Variants in PSG11 observed in about 807,000 individuals in gnomAD.
The protein encoded by PSG11 is pregnancy specific beta-1-glycoprotein 11, also known as pregnancy-specific beta-1-glycoprotein 11.
PSG11 carries 42 observed loss-of-function variants against 36.0 expected under a neutral mutation model. The ratio of observed to expected loss-of-function variants is 1.17; its 90% CI spans 0.91 to 1.51. PSG11 has a LOEUF of 1.51. Among genes scored for constraint, PSG11 ranks in the 40% most tolerant of loss-of-function variants. The pLI, the probability that PSG11 is intolerant of heterozygous loss-of-function variation, is 0.00. For synonymous variants in PSG11, 206 were observed against 153.5 expected (o/e 1.34, Z -2.53); for missense variants, 558 against 403.5 (o/e 1.38, Z -3.28).
At chr19:43,013,981 C>A (rs1214769595) in intron 4 of PSG11, 1 of 151,120 alleles carries the variant, frequency 6.6e-6, no homozygotes, top group African/African-American at 2.4e-5. Flanking sequence ...AATGGATGAA[C>A]CTTGAAGATA....
chr19:43,024,463 C>G, intron 2 of PSG11: 3 of 614,714 alleles, frequency 4.9e-6, no homozygotes, highest in Non-Finnish European at 5.7e-6. Flanking sequence ...CCCCATCAGA[C>G]TGTCCTTCCT....
At position 43,010,039 on chromosome 19, in the gene PSG11, G is replaced by A. The variant is rs201797073; in HGVS notation, c.967C>T (p.Pro323Ser). ...STSLTIRVIA[P>S]PGLGTFAFNN... is the part of the protein sequence containing the mutation. ...AAAGCAAAAGTTCCTAATCCTGGAG[G>A]AGCTGTCATGGAAAGAAAAGAAAAG... The change falls in exon 5 of 6, where the codon CCT becomes TCT. Residue 323 changes from proline (P) to serine (S), a missense_variant and splice_region_variant. Coordinates refer to ENST00000320078, the MANE Select transcript of PSG11 (RefSeq NM_002785.3). The A allele has an allele frequency of 1.4e-5, 23 of 1,609,252 alleles. 1 individual carries two copies. The African/African-American group carries it at 2.0e-4, about 14-fold the overall frequency.
In PSG11 at chr19:43,008,279, T is replaced by A. The variant is rs191732690; in HGVS notation, c.*41-237A>T. 4.2e-3 allele frequency among the ~76,000 whole-genome samples: 630 copies of A among 151,500 alleles called. 22 individuals are homozygous for A. The highest frequency in any genetic ancestry group is 9.7e-3 in the Admixed American group (147 of 15,152). ...ATAATTTTTAGAACACTCATTTTTTTAAATTTTTTTTGAGATGGAGTCTCA... is the reference window on the plus strand; with the variant it reads ...ATAATTTTTAGAACACTCATTTTTTAAAATTTTTTTTGAGATGGAGTCTCA... On this transcript the variant is annotated intron_variant, in intron 5 of 5. Transcript: ENST00000320078.
intron 1 of PSG11, 73 bp from the exon 2 acceptor site, chr19:43,025,129 T>C (rs1967208768): frequency 5.2e-6 from 8 of 1,536,654 alleles, no homozygotes. Context: ...CCCTGAGTCC[T>C]GAGAAGGTCT....
intron 4 of PSG11, chr19:43,014,564 C>G (rs1966909931): frequency 2.0e-6 from 2 of 994,976 alleles, no homozygotes; most frequent in African/African-American, 1.8e-5. Context: ...GCCACCAGGA[C>G]TCTTTCTCCA....
Sources: allele counts gnomAD v4.1 joint callset (sites outside exome capture counted in the v4.1 genomes callset), GRCh38; gene constraint gnomAD v4.1.1; transcripts MANE v1.5; gene names NCBI Gene and HGNC (gene_info 2026-07-23, HGNC 2026-07-21).